The following VLDLR variants were observed in gnomAD, a reference collection of about 807,000 sequenced individuals.
VLDLR encodes the protein very low-density lipoprotein receptor.
In VLDLR, 81 loss-of-function variants were observed where a neutral mutation model predicts 112.7. The ratio of observed to expected loss-of-function variants is 0.72; its 90% CI spans 0.60 to 0.86. The LOEUF (loss-of-function observed/expected upper bound fraction) is 0.86, where lower values mean the gene tolerates loss of function less well. Among genes scored for constraint, VLDLR ranks in the 40% least tolerant of loss-of-function variants. The pLI is 0.00. For synonymous variants in VLDLR, 436 were observed against 384.8 expected (o/e 1.13, Z -1.56); for missense variants, 1,237 against 1,099.4 (o/e 1.13, Z -1.77).
rs2130814807 is a variant in VLDLR at position 2,654,542 on chromosome 9, A to G, written c.*674A>G. The G allele has an allele frequency of 6.5e-6, 1 of 154,100 alleles. No homozygotes were observed. The allele number at this position is 154,100 out of a possible 1,614,324, so 9.5% of individuals were successfully genotyped here. A position where few individuals can be genotyped will look rare whatever the true frequency, so the allele number is the denominator to read the frequency against. ...ATCCTGAGTAGTACCAAGTGTTCTA[A>G]CTAAATGTGTGAGCTGTAGTTCTTG... is the stretch of plus-strand genomic sequence containing the variant. On this transcript the variant is annotated 3_prime_UTR_variant, in exon 19 of 19. Transcript: ENST00000382100.
chr9:2,648,899 T>A (rs1321441293), intron 14 of VLDLR, 89 bp downstream of exon 14: 56 of 1,557,804 alleles, frequency 3.6e-5, no homozygotes, highest in Non-Finnish European at 4.7e-5. Flanking sequence ...TCTTGGCAAC[T>A]CAGTTTTCTT....
At position 2,639,960 on chromosome 9, in the gene VLDLR, G is replaced by C. The variant is rs966944026; in HGVS notation, c.304G>C (p.Asp102His). 2.5e-6 allele frequency: 4 copies of C among 1,614,106 alleles called. No individual in the cohort carries two copies. The highest frequency in any genetic ancestry group is 1.3e-5 in the African/African-American group (1 of 74,920). Residue 102 changes from aspartate (D) to histidine (H), a missense_variant, in exon 3 of 19, where the codon GAT becomes CAT. By Grantham distance (81) the Asp-to-His change is moderately conservative. Coordinates refer to ENST00000382100, the MANE Select transcript of VLDLR (RefSeq NM_003383.5). The stretch of plus-strand genomic sequence containing the variant: ...AGATCCTGACTGCGAAGATGGTTCA[G>C]ATGAAAGCCCAGAACAGTGCCGTGA... ...DGDPDCEDGSDESPEQCHMRT... is the reference protein window; with the variant it reads ...DGDPDCEDGSHESPEQCHMRT...
intron 14 of VLDLR, among the ~76,000 whole-genome samples, chr9:2,650,132 T>C (rs1253462455): frequency 6.6e-6 from 1 of 152,184 alleles, no homozygotes; most frequent in African/African-American, 2.4e-5. Flanking sequence ...ATCTGTCTCT[T>C]AAAGGCATAA....
At chr9:2,653,045 A>C in intron 18 of VLDLR, 96 bp downstream of exon 18, 2 of 1,515,382 alleles carry the variant, frequency 1.3e-6, no homozygotes, top group Non-Finnish European at 1.8e-6. Context: ...AGGATGATGG[A>C]GTTACCAAAC....
intron 1 of VLDLR, among the ~76,000 whole-genome samples, chr9:2,635,011 T>C (rs556274743): frequency 3.0e-4 from 46 of 152,322 alleles, no homozygotes; most frequent in South Asian, 1.5e-3. Context: ...ATGATGCCCC[T>C]TGTGGTCTCT....
rs564827317 is a variant in VLDLR, at chr9:2,658,116, G to A, written c.*4248G>A. The A allele has an allele frequency of 9.9e-5, 15 of 152,266 alleles. No homozygotes were observed. Among genetic ancestry groups the A allele is most frequent in the African/African-American group, 3.6e-4 (15 of 41,552 alleles). 9.4% of individuals were successfully genotyped at this position (152,266 alleles called of 1,614,324 possible). ...AATCCAGCCTGGAGGATTTTTAGCC[G>A]AAACAGTTGCATGTGAAGGATTATC... On this transcript the variant is annotated 3_prime_UTR_variant, in exon 19 of 19. Transcript: ENST00000382100.
At chr9:2,642,547 A>G (rs1471751544) in intron 4 of VLDLR, among the ~76,000 whole-genome samples, 1 of 152,214 alleles carries the variant, frequency 6.6e-6, no homozygotes, top group Admixed American at 6.5e-5. Flanking sequence ...AATTTAAGTC[A>G]AAGTACCAAT....
chr9:2,642,379 A>C (rs1346499326), intron 4 of VLDLR, among the ~76,000 whole-genome samples: 1 of 152,174 alleles, frequency 6.6e-6, no homozygotes, highest in Non-Finnish European at 1.5e-5. Context: ...CACCTAGTCC[A>C]ATGAGTTTTA....
chr9:2,640,154 G>C (rs1817764342), intron 3 of VLDLR, among the ~76,000 whole-genome samples, 173 bp downstream of exon 3: 1 of 152,172 alleles, frequency 6.6e-6, no homozygotes, highest in African/African-American at 2.4e-5. Flanking sequence ...CTCCTTTAAA[G>C]AATGTTCTCC....
chr9:2,645,725 A>C lies in VLDLR; in HGVS notation c.1464A>C (p.Leu488=). 1 of 1,614,190 alleles carries C rather than the reference A, an allele frequency of 6.2e-7. No individual in the cohort carries two copies. The highest frequency in any genetic ancestry group is 8.5e-7 in the Non-Finnish European group (1 of 1,180,020). ...CCCAGAAACTATTCTGGGCCGATCT[A>C]AGCCAAAAGGCTATCTTCAGGTAAC... is the stretch of plus-strand genomic sequence containing the variant. ...IAAQKLFWAD[L]SQKAIFSASI... Residue 488 remains leucine (L), a synonymous_variant, in exon 10 of 19, where the codon CTA becomes CTC. Transcript: ENST00000382100.
chr9:2,633,045 AGAGAGAGTGTGTGT>A (rs754180138), intron 1 of VLDLR, among the ~76,000 whole-genome samples: 39 of 113,782 alleles, frequency 3.4e-4, no homozygotes, highest in Admixed American at 1.3e-3. Flanking sequence ...AGAGAGAGAG[AGAGAGAGTGTGTGT>A]GTGTGTGTGT....
intron 1 of VLDLR, among the ~76,000 whole-genome samples, chr9:2,633,234 C>T (rs971595035): frequency 6.6e-6 from 1 of 152,136 alleles, no homozygotes; most frequent in African/African-American, 2.4e-5. Context: ...GATGCCTGTC[C>T]TGAGTCTCCT....
At position 2,643,279 on chromosome 9, in the gene VLDLR, C is replaced by T. The variant is rs748227215; in HGVS notation, c.568C>T (p.Pro190Ser). 2 of 1,613,702 alleles carry T rather than the reference C, an allele frequency of 1.2e-6. No homozygotes were observed. The highest frequency in any genetic ancestry group is 2.2e-5 in the South Asian group (2 of 91,066). Residue 190 changes from proline to serine, a missense_variant, in exon 5 of 19, where the codon CCG becomes TCG. Transcript: ENST00000382100. ...TGGCAGTGATGAGCTGGACTGTGCC[C>T]CGCCAACCTGTGGCGCCCATGAGTT... ...SDGSDELDCA[P>S]PTCGAHEFQC...
chr9:2,636,938 A>G (rs1051724044), intron 2 of VLDLR, among the ~76,000 whole-genome samples: 1 of 152,170 alleles, frequency 6.6e-6, no homozygotes, highest in African/African-American at 2.4e-5. Context: ...TTTTTTTACC[A>G]TGTGACTCAG....
intron 1 of VLDLR, among the ~76,000 whole-genome samples, chr9:2,623,441 T>A (rs990003806): frequency 1.0e-4 from 15 of 146,848 alleles, no homozygotes; most frequent in Admixed American, 2.8e-4. Context: ...CCAGAGTCCC[T>A]GGCTCCCGTC....
intron 1 of VLDLR, among the ~76,000 whole-genome samples, chr9:2,626,039 T>G (rs999762577): frequency 3.3e-5 from 5 of 152,222 alleles, no homozygotes; most frequent in African/African-American, 1.2e-4. Flanking sequence ...CTCTAAACAC[T>G]GTTAATACCA....
intron 1 of VLDLR, among the ~76,000 whole-genome samples, chr9:2,624,750 G>C (rs1817012421): frequency 6.6e-6 from 1 of 152,202 alleles, no homozygotes; most frequent in African/African-American, 2.4e-5. Flanking sequence ...CATCCAGATA[G>C]CACCAATGAA....
chr9:2,628,263 C>G (rs1817183647), intron 1 of VLDLR, among the ~76,000 whole-genome samples: 1 of 152,088 alleles, frequency 6.6e-6, no homozygotes, highest in African/African-American at 2.4e-5. Context: ...GAGAAAGCAG[C>G]CAGACCATAC....
intron 18 of VLDLR, among the ~76,000 whole-genome samples, chr9:2,653,435 C>T (rs934914091): frequency 6.6e-6 from 1 of 152,200 alleles, no homozygotes; most frequent in Non-Finnish European, 1.5e-5. Flanking sequence ...ACTTGTTCTT[C>T]AGATGAAACC....
Sources: gnomAD v4.1 joint callset for allele counts (sites outside exome capture counted in the v4.1 genomes callset) on GRCh38, gnomAD v4.1.1 for gene constraint, MANE v1.5 for transcripts, NCBI Gene and HGNC (gene_info 2026-07-23, HGNC 2026-07-21) for gene names.